The following MTUS2 variants were observed in gnomAD, a reference collection of about 807,000 sequenced individuals.
The protein encoded by MTUS2 is microtubule associated scaffold protein 2.
MTUS2 carries 40 observed loss-of-function variants against 114.1 expected under a neutral mutation model. That is an observed-to-expected ratio of 0.35 (90% CI 0.27 to 0.46). The LOEUF (loss-of-function observed/expected upper bound fraction) is 0.46, where lower values mean the gene tolerates loss of function less well. Ranked by LOEUF, MTUS2 falls within the 20% of genes least tolerant of loss-of-function variation. MTUS2 has a pLI of 1.00. For missense variants in MTUS2, 1,679 were observed against 1,705.4 expected, an observed-to-expected ratio of 0.98 and a Z score of 0.27; for synonymous variants, 688 against 672.0, an observed-to-expected ratio of 1.02 and a Z score of -0.37.
chr13:28,951,568 G>A (rs1441757624), intron 2 of MTUS2, among the ~76,000 whole-genome samples: 2 of 152,190 alleles, frequency 1.3e-5, no homozygotes, highest in Admixed American at 6.5e-5. Flanking sequence ...GGAGGCCACA[G>A]TGGGTAGATT....
chr13:29,042,804 G>A (rs1359638263), intron 4 of MTUS2, among the ~76,000 whole-genome samples: 3 of 152,090 alleles, frequency 2.0e-5, no homozygotes, highest in African/African-American at 4.8e-5. Flanking sequence ...TGTGGTAGCA[G>A]TTATAATATC....
intron 6 of MTUS2, among the ~76,000 whole-genome samples, chr13:29,294,476 G>A (rs1445825731): frequency 6.6e-6 from 1 of 152,020 alleles, no homozygotes; most frequent in African/African-American, 2.4e-5. Context: ...AATTTATTTT[G>A]CAAAATCATA....
intron 8 of MTUS2, among the ~76,000 whole-genome samples, chr13:29,381,965 G>T (rs1054406728): frequency 6.6e-6 from 1 of 152,114 alleles, no homozygotes; most frequent in East Asian, 1.9e-4. Flanking sequence ...TAATCATTGC[G>T]TGTCTCCTGG....
chr13:29,302,516 C>T lies in MTUS2; in HGVS notation c.2806+20651C>T, dbSNP rs182535294. On this transcript the variant is annotated intron_variant, in intron 6 of 15. Transcript: ENST00000612955. ...TGGGAAGATGGGAATTCCATCCATA[C>T]ATATCCCTAGGAAGGGAGCTGAATC... Among the ~76,000 whole-genome samples the T allele has an allele frequency of 2.7e-3, 413 of 152,330 alleles. 3 individuals carry two copies. Among genetic ancestry groups the T allele is most frequent in the African/African-American group, 9.2e-3 (382 of 41,572 alleles).
chr13:29,372,160 C>T (rs563550307), intron 8 of MTUS2, among the ~76,000 whole-genome samples: 2 of 150,980 alleles, frequency 1.3e-5, no homozygotes, highest in East Asian at 1.9e-4. Flanking sequence ...TGGGGAAAGA[C>T]TTCACGAGGG....
chr13:29,182,049 C>T (rs190299527), intron 5 of MTUS2, among the ~76,000 whole-genome samples: 214 of 152,294 alleles, frequency 1.4e-3, no homozygotes, highest in African/African-American at 4.3e-3. Flanking sequence ...ATGTGTATCT[C>T]TTTCTCCCTT....
intron 1 of MTUS2, among the ~76,000 whole-genome samples, chr13:28,821,031 T>C (rs1383245046): frequency 6.6e-6 from 1 of 152,040 alleles, no homozygotes; most frequent in Non-Finnish European, 1.5e-5. Context: ...TCTGTGCCTG[T>C]GCACAGAAGG....
At chr13:29,362,600 T>C (rs1487067698) in intron 8 of MTUS2, among the ~76,000 whole-genome samples, 1 of 152,086 alleles carries the variant, frequency 6.6e-6, no homozygotes, top group Non-Finnish European at 1.5e-5. Flanking sequence ...GGCAGGAGTA[T>C]TGCTTGAACC....
intron 4 of MTUS2, among the ~76,000 whole-genome samples, chr13:29,096,236 A>G (rs990103608): frequency 7.2e-5 from 11 of 152,202 alleles, no homozygotes; most frequent in African/African-American, 2.7e-4. Context: ...AGCCTTGGGC[A>G]TGTACACAAT....
Position 29,281,709 on chromosome 13 carries a change from A to G in MTUS2, c.2650A>G (p.Thr884Ala). The G allele has an allele frequency of 1.2e-6, 2 of 1,606,514 alleles. No individual in the cohort carries two copies. Among genetic ancestry groups the G allele is most frequent in the Non-Finnish European group, 1.7e-6 (2 of 1,174,624 alleles). The part of the protein sequence containing the change: ...PEQGRPATRS[T>A]FGNEEQPVLK... ...ACGCTGTCTGCCTCCCACAGGTTCA[A>G]CCTTTGGGAATGAAGAACAGCCAGT... Residue 884 changes from threonine to alanine, a missense_variant, in exon 6 of 16, where the codon ACC becomes GCC. Around this residue, in one of 3 missense-constraint regions of MTUS2, gnomAD observed 822 missense variants for 899.7 expected, o/e 0.91. Transcript: ENST00000612955.
chr13:28,969,293 A>G (rs967349440), intron 2 of MTUS2, among the ~76,000 whole-genome samples: 4 of 152,220 alleles, frequency 2.6e-5, no homozygotes, highest in South Asian at 2.1e-4. Flanking sequence ...AAGAATAATT[A>G]TATATATTCA....
rs773724739 is a variant in MTUS2, at chr13:29,025,638, T to G, written c.940T>G (p.Tyr314Asp). 16 of 1,613,970 alleles carry G rather than the reference T, an allele frequency of 9.9e-6. No individual in the cohort carries two copies. The South Asian group carries it at 1.8e-4, about 18-fold the overall frequency. Reference protein sequence around the residue: ...GKGEAKLDLKYVPPRRVEQEG... With the variant: ...GKGEAKLDLKDVPPRRVEQEG... ...GGGAGAGGCCAAGCTGGATCTGAAA[T>G]ATGTTCCTCCCAGGAGAGTTGAACA... is the stretch of plus-strand genomic sequence containing the variant. Residue 314 changes from tyrosine to aspartate, a missense_variant, in exon 3 of 16, where the codon TAT (tyrosine) becomes GAT (aspartate). Coordinates refer to ENST00000612955, the MANE Select transcript of MTUS2 (RefSeq NM_001033602.4).
Position 29,456,912 on chromosome 13 carries a change from C to A in MTUS2, c.3184+16863C>A, listed in dbSNP as rs190907113. 2.0e-5 allele frequency among the ~76,000 whole-genome samples: 3 copies of A among 151,508 alleles called. No homozygotes were observed. In the East Asian group the frequency reaches 5.8e-4, roughly 29 times the overall value. On this transcript the variant is annotated intron_variant, in intron 9 of 15. Coordinates refer to ENST00000612955, the MANE Select transcript of MTUS2 (RefSeq NM_001033602.4). Reference sequence around the variant, plus strand: ...CAGCACTTTGGGAGGCTGAGGCGGGCGAATCACGAGGTCAGGAGATGGAGA... The same window carrying A: ...CAGCACTTTGGGAGGCTGAGGCGGGAGAATCACGAGGTCAGGAGATGGAGA...
intron 2 of MTUS2, among the ~76,000 whole-genome samples, chr13:28,926,530 A>G (rs1282953278): frequency 6.6e-6 from 1 of 152,224 alleles, no homozygotes; most frequent in African/African-American, 2.4e-5. Context: ...CTTAATTTTA[A>G]TTAAGTAAAT....
At chr13:28,971,718 T>C (rs1268028103) in intron 2 of MTUS2, among the ~76,000 whole-genome samples, 1 of 152,220 alleles carries the variant, frequency 6.6e-6, no homozygotes, top group African/African-American at 2.4e-5. Context: ...TCCCACACAC[T>C]TGAGCTCGTT....
At chr13:29,482,466 TTGTA>T (rs1192485989) in intron 10 of MTUS2, 1 of 152,216 alleles carries the variant, frequency 6.6e-6, no homozygotes, top group Non-Finnish European at 1.5e-5. Context: ...ACACGCTCTG[TTGTA>T]TGAGAGCCCT....
intron 7 of MTUS2, among the ~76,000 whole-genome samples, chr13:29,340,404 C>A (rs1901333390): frequency 6.6e-6 from 1 of 152,192 alleles, no homozygotes; most frequent in South Asian, 2.1e-4. Flanking sequence ...CACTTGGATA[C>A]TCTTTCAAGG....
intron 9 of MTUS2, among the ~76,000 whole-genome samples, chr13:29,469,952 A>C (rs1880156786): frequency 6.6e-6 from 1 of 152,172 alleles, no homozygotes; most frequent in African/African-American, 2.4e-5. Flanking sequence ...GTGTTCTCAA[A>C]GTTTGGCTCA....
At chr13:29,175,794 T>G (rs943370147) in intron 5 of MTUS2, among the ~76,000 whole-genome samples, 5 of 151,698 alleles carry the variant, frequency 3.3e-5, no homozygotes, top group Non-Finnish European at 5.9e-5. Context: ...TTCTGGAAAC[T>G]CACAACAGAG....
Sources: gnomAD v4.1 joint callset for allele counts (sites outside exome capture counted in the v4.1 genomes callset) on GRCh38, gnomAD v4.1.1 for gene constraint, gnomAD v4.1.1 regional missense constraint, MANE v1.5 for transcripts, NCBI Gene and HGNC (gene_info 2026-07-23, HGNC 2026-07-21) for gene names.